RPS11: variants seen among roughly 807,000 people sequenced by gnomAD.
RPS11 encodes the protein ribosomal protein S11.
For missense variants in RPS11, 127 were observed against 211.4 expected (o/e 0.60, Z 2.48); for synonymous variants, 107 against 78.0 (o/e 1.37, Z -1.96).
At chr19:49,496,545 C>G (rs1745068401) in intron 1 of RPS11, 74 bp downstream of exon 1, 1 of 1,487,418 alleles carries the variant, frequency 6.7e-7, no homozygotes, top group South Asian at 1.2e-5. Context: ...GAGGGCAGAG[C>G]CCGGCGGCCA....
chr19:49,496,599 AT>A, intron 1 of RPS11, 128 bp downstream of exon 1: 1 of 1,029,162 alleles, frequency 9.7e-7, no homozygotes, highest in Non-Finnish European at 1.4e-6. Context: ...TTTTCTAGAG[AT>A]TAACTGGAGT....
intron 2 of RPS11, 54 bp from the exon 3 acceptor site, chr19:49,497,465 CT>C: frequency 6.2e-7 from 1 of 1,604,002 alleles, no homozygotes; most frequent in Non-Finnish European, 8.5e-7. Flanking sequence ...GCCCCTGGCT[CT>C]TTTAAGGAAC....
chr19:49,498,165 C>T, intron 4 of RPS11, 119 bp downstream of exon 4: 1 of 1,107,192 alleles, frequency 9.0e-7, no homozygotes, highest in Non-Finnish European at 1.4e-6. Flanking sequence ...CTCTGGGAAG[C>T]CCCAGAATCT....
chr19:49,496,542 G>A (rs755413937), intron 1 of RPS11, 71 bp downstream of exon 1: 44 of 1,498,962 alleles, frequency 2.9e-5, no homozygotes, highest in Middle Eastern at 3.6e-4. Context: ...CGGGAGGGCA[G>A]AGCCCGGCGG....
At position 49,496,443 on chromosome 19, in the gene RPS11, A is replaced by C. The variant is rs746363882; in HGVS notation, c.-14A>C. ...ACGCTGCTGCCCCTTTCTTTTTTTC[A>C]GGCGGCCGGGAAGATGGCGGACATT... On this transcript the variant is annotated 5_prime_UTR_variant, in exon 1 of 5. Coordinates refer to ENST00000270625, the MANE Select transcript of RPS11 (RefSeq NM_001015.5). 4.3e-6 allele frequency: 7 copies of C among 1,611,860 alleles called. No homozygotes were observed. In the East Asian group the frequency reaches 1.6e-4, roughly 36 times the overall value.
rs747496197 is a variant in RPS11, at chr19:49,496,488, G to A, written c.15+17G>A. 1.2e-6 allele frequency: 2 copies of A among 1,608,364 alleles called. No homozygotes were observed. Among genetic ancestry groups the A allele is most frequent in the East Asian group, 4.5e-5 (2 of 44,078 alleles). On this transcript the variant is annotated intron_variant, in intron 1 of 4. Transcript: ENST00000270625. ...GACATTCAGGTGCGGACTCGGGGTT[G>A]GATGCCAGGGTGCGGGGTCCGCCTT...
Position 49,498,006 on chromosome 19 carries a change from C to T in RPS11, c.313C>T (p.Arg105Cys), listed in dbSNP as rs1034339375. The T allele has an allele frequency of 6.2e-7, 1 of 1,613,506 alleles. No individual in the cohort carries two copies. The change falls in exon 4 of 5, where the codon CGC becomes TGC. Residue 105 changes from arginine (R) to cysteine (C), a missense_variant. By Grantham distance (180) the Arg-to-Cys change is radical (BLOSUM62 -3). Transcript: ENST00000270625. ...CCGCAAGTACAACCGCTTCGAGAAG[C>T]GCCACAAGAACATGTCTGTACACCT... ...YIRKYNRFEK[R>C]HKNMSVHLSP...
intron 4 of RPS11, among the ~76,000 whole-genome samples, chr19:49,498,478 A>G (rs973980066): frequency 6.6e-6 from 1 of 152,206 alleles, no homozygotes; most frequent in African/African-American, 2.4e-5. Context: ...CTAGCCAGGC[A>G]CCGTGGCTCA....
intron 4 of RPS11, among the ~76,000 whole-genome samples, chr19:49,498,816 T>C (rs1336199493): frequency 6.6e-6 from 1 of 152,158 alleles, no homozygotes; most frequent in Non-Finnish European, 1.5e-5. Context: ...GCTGAACCTG[T>C]AATAGGCAGG....
chr19:49,497,665 G>A, intron 3 of RPS11, 70 bp downstream of exon 3: 1 of 1,433,602 alleles, frequency 7.0e-7, no homozygotes, highest in Admixed American at 1.7e-5. Flanking sequence ...CCAGACTCCT[G>A]GGTCCTGGGT....
rs377587272 is a variant in RPS11 at position 49,498,005 on chromosome 19, G to A, written c.312G>A (p.Lys104=). The A allele has an allele frequency of 2.2e-5, 35 of 1,613,438 alleles. No homozygotes were observed. The highest frequency in any genetic ancestry group is 2.7e-5 in the African/African-American group (2 of 74,876). ...HYIRKYNRFE[K]RHKNMSVHLS... is the part of the protein sequence containing the mutation. ...TCCGCAAGTACAACCGCTTCGAGAAGCGCCACAAGAACATGTCTGTACACC... is the reference window on the plus strand; with the variant it reads ...TCCGCAAGTACAACCGCTTCGAGAAACGCCACAAGAACATGTCTGTACACC... Residue 104 remains lysine (K), a synonymous_variant, in exon 4 of 5, where the codon AAG becomes AAA. Coordinates refer to ENST00000270625, the MANE Select transcript of RPS11 (RefSeq NM_001015.5).
rs368681333 is a variant in RPS11, at chr19:49,497,585, G to T, written c.213G>T (p.Arg71=). 1.6e-4 allele frequency: 251 copies of T among 1,613,844 alleles called. No individual in the cohort carries two copies. The highest frequency in any genetic ancestry group is 2.1e-4 in the Non-Finnish European group (247 of 1,179,884). Residue 71 remains arginine (R), a synonymous_variant, in exon 3 of 5, where the codon CGG becomes CGT. Transcript: ENST00000270625. ...PFTGNVSIRG[R]ILSGVVTKMK... ...CTGGTAATGTGTCCATTCGAGGGCG[G>T]ATCCTCTCTGGTAAGTGCGGGAGTT...
At chr19:49,496,587 T>C in intron 1 of RPS11, 116 bp downstream of exon 1, 1 of 1,139,288 alleles carries the variant, frequency 8.8e-7, no homozygotes. Context: ...CGTCCGTGAT[T>C]ATTTTCTAGA....
chr19:49,498,349 A>G, intron 4 of RPS11: 1 of 389,256 alleles, frequency 2.6e-6, no homozygotes. Flanking sequence ...CACCTTATTC[A>G]CATAGCCTGA....
At chr19:49,497,167 C>T (rs758576441) in intron 1 of RPS11, 27 bp from the exon 2 acceptor site, 2 of 1,610,400 alleles carry the variant, frequency 1.2e-6, no homozygotes, top group South Asian at 1.1e-5. Flanking sequence ...CTTAGCAGCT[C>T]ATCAGTTTTC....
At position 49,496,480 on chromosome 19, in the gene RPS11, T is replaced by C. The variant is rs981358470; in HGVS notation, c.15+9T>C. The C allele has an allele frequency of 6.2e-7, 1 of 1,610,402 alleles. No individual in the cohort carries two copies. The highest frequency in any genetic ancestry group is 8.5e-7 in the Non-Finnish European group (1 of 1,178,452). The stretch of plus-strand genomic sequence containing the variant: ...AGATGGCGGACATTCAGGTGCGGAC[T>C]CGGGGTTGGATGCCAGGGTGCGGGG... On this transcript the variant is annotated intron_variant, in intron 1 of 4. Transcript: ENST00000270625.
intron 4 of RPS11, among the ~76,000 whole-genome samples, chr19:49,499,246 G>A (rs1353765455): frequency 5.3e-5 from 8 of 152,168 alleles, no homozygotes; most frequent in African/African-American, 1.4e-4. Flanking sequence ...ACAACTTGGG[G>A]GCCTCCAGTT....
chr19:49,497,229 T>C lies in RPS11; in HGVS notation c.51T>C (p.Phe17=), dbSNP rs764822410. 1.7e-5 allele frequency: 27 copies of C among 1,613,922 alleles called. No homozygotes were observed. The highest frequency in any genetic ancestry group is 2.3e-5 in the Non-Finnish European group (27 of 1,180,018). The part of the protein sequence containing the change: ...ERAYQKQPTI[F]QNKKRVLLGE... ...CCTACCAAAAGCAGCCGACCATCTT[T>C]CAAAACAAGAAGAGGGTCCTGCTGG... Residue 17 remains phenylalanine (F), a synonymous_variant, in exon 2 of 5, where the codon TTT becomes TTC. Coordinates refer to ENST00000270625, the MANE Select transcript of RPS11 (RefSeq NM_001015.5).
In RPS11 at chr19:49,496,443, A is replaced by G; in HGVS notation, c.-14A>G. ...ACGCTGCTGCCCCTTTCTTTTTTTC[A>G]GGCGGCCGGGAAGATGGCGGACATT... On this transcript the variant is annotated 5_prime_UTR_variant, in exon 1 of 5. Transcript: ENST00000270625. The G allele has an allele frequency of 6.2e-7, 1 of 1,611,860 alleles. No homozygotes were observed. Among genetic ancestry groups the G allele is most frequent in the Non-Finnish European group, 8.5e-7 (1 of 1,179,116 alleles).
Sources: allele counts gnomAD v4.1 joint callset (sites outside exome capture counted in the v4.1 genomes callset), GRCh38; gene constraint gnomAD v4.1.1; transcripts MANE v1.5; gene names NCBI Gene and HGNC (gene_info 2026-07-23, HGNC 2026-07-21).